BMPER: variants seen among roughly 807,000 people sequenced by gnomAD.
The protein encoded by BMPER is BMP binding endothelial regulator, also known as BMP-binding endothelial regulator protein.
Under a neutral mutation model 87.3 loss-of-function variants are expected in BMPER, and 45 were observed. The ratio of observed to expected loss-of-function variants is 0.52; its 90% confidence interval spans 0.41 to 0.66. The LOEUF (loss-of-function observed/expected upper bound fraction) is 0.66, where lower values mean the gene tolerates loss of function less well. BMPER is among the 30% of genes least tolerant of loss of function. The pLI, the probability that BMPER is intolerant of heterozygous loss-of-function variation, is 0.00. For missense variants in BMPER, 784 were observed against 867.5 expected (o/e 0.90, Z 1.21); for synonymous variants, 326 against 316.2 (o/e 1.03, Z -0.33).
chr7:34,006,849 T>A (rs1322879985), intron 6 of BMPER, among the ~76,000 whole-genome samples: 1 of 152,090 alleles, frequency 6.6e-6, no homozygotes, highest in African/African-American at 2.4e-5. Context: ...GCAATCAATC[T>A]GTGTTTTGAT....
chr7:34,002,726 T>C lies in BMPER; in HGVS notation c.576+27942T>C, dbSNP rs80216352. ...AGTGCATATATGTTTATAATTGTTA[T>C]GTCTTCCTGATGGCCTCTTATTATT... On this transcript the variant is annotated intron_variant, in intron 6 of 14. Coordinates refer to ENST00000649409, the MANE Select transcript of BMPER (RefSeq NM_001365308.1). 5.9e-3 allele frequency among the ~76,000 whole-genome samples: 899 copies of C among 151,978 alleles called. 6 individuals are homozygous for C. Among genetic ancestry groups the C allele is most frequent in the African/African-American group, 0.018 (742 of 41,552 alleles).
chr7:33,973,742 C>T (rs989707390), intron 5 of BMPER, among the ~76,000 whole-genome samples: 6 of 152,176 alleles, frequency 3.9e-5, no homozygotes, highest in East Asian at 1.9e-4. Flanking sequence ...CTCCCAGCAC[C>T]GTCTTCCATG....
chr7:34,144,628 C>T (rs187505402), intron 14 of BMPER, among the ~76,000 whole-genome samples: 4 of 151,992 alleles, frequency 2.6e-5, no homozygotes, highest in African/African-American at 9.7e-5. Context: ...TACCTGCTAT[C>T]TAGTTACAAA....
At chr7:34,082,647 C>T (rs1446622223) in intron 12 of BMPER, among the ~76,000 whole-genome samples, 1 of 152,120 alleles carries the variant, frequency 6.6e-6, no homozygotes, top group African/African-American at 2.4e-5. Context: ...CACGGCAGAT[C>T]TGCATCTTTC....
chr7:34,065,232 CT>C, intron 11 of BMPER, among the ~76,000 whole-genome samples: 1 of 150,596 alleles, frequency 6.6e-6, no homozygotes, highest in African/African-American at 2.5e-5. Context: ...CTCTCTCTCT[CT>C]CTCTCTCTCT....
intron 2 of BMPER, among the ~76,000 whole-genome samples, chr7:33,913,043 A>C (rs1345910058): frequency 1.3e-5 from 2 of 152,206 alleles, no homozygotes; most frequent in East Asian, 1.9e-4. Flanking sequence ...GGGGAGACGA[A>C]CACATATATA....
At chr7:33,964,200 C>CT (rs375050660) in intron 3 of BMPER, among the ~76,000 whole-genome samples, 3 of 152,218 alleles carry the variant, frequency 2.0e-5, no homozygotes, top group South Asian at 2.1e-4. Context: ...CTTTAATTAT[C>CT]TTTTTTTCTG....
At chr7:34,125,570 T>C (rs1452343169) in intron 13 of BMPER, among the ~76,000 whole-genome samples, 2 of 152,256 alleles carry the variant, frequency 1.3e-5, no homozygotes, top group African/African-American at 4.8e-5. Context: ...GAAATGCTAG[T>C]TGAATGCATG....
intron 11 of BMPER, among the ~76,000 whole-genome samples, chr7:34,078,493 T>C (rs941344310): frequency 1.3e-5 from 2 of 152,218 alleles, no homozygotes; most frequent in African/African-American, 4.8e-5. Flanking sequence ...CCCATTTGTT[T>C]ATTTATATAC....
intron 6 of BMPER, among the ~76,000 whole-genome samples, chr7:33,993,651 G>A (rs947101193): frequency 3.9e-4 from 60 of 152,044 alleles, no homozygotes; most frequent in South Asian, 1.3e-3. Flanking sequence ...GCTTTGTTCC[G>A]TTGCTGGTGA....
chr7:34,132,074 C>T (rs1215044704), intron 13 of BMPER, among the ~76,000 whole-genome samples: 1 of 152,084 alleles, frequency 6.6e-6, no homozygotes, highest in Non-Finnish European at 1.5e-5. Context: ...AATAATGTGC[C>T]CAAGATAACA....
intron 13 of BMPER, among the ~76,000 whole-genome samples, chr7:34,123,260 A>G (rs1790307293): frequency 6.6e-6 from 1 of 152,206 alleles, no homozygotes; most frequent in African/African-American, 2.4e-5. Flanking sequence ...ACAGGAGTTT[A>G]CTGGCTATAA....
At chr7:34,067,672 C>T (rs1043155844) in intron 11 of BMPER, among the ~76,000 whole-genome samples, 2 of 152,164 alleles carry the variant, frequency 1.3e-5, no homozygotes, top group South Asian at 4.1e-4. Context: ...GAAGTTTCTG[C>T]TCCAGCATCT....
intron 3 of BMPER, among the ~76,000 whole-genome samples, chr7:33,964,844 C>T (rs1221365696): frequency 6.6e-6 from 1 of 152,096 alleles, no homozygotes; most frequent in South Asian, 2.1e-4. Context: ...ATAACATATT[C>T]GGAAACTCCA....
chr7:33,917,012 A>G (rs1178153622), intron 2 of BMPER, among the ~76,000 whole-genome samples: 2 of 152,234 alleles, frequency 1.3e-5, no homozygotes, highest in Non-Finnish European at 2.9e-5. Flanking sequence ...ACATTTGAAA[A>G]TATAAGATCA....
intron 6 of BMPER, among the ~76,000 whole-genome samples, chr7:34,039,603 TACACACACACACACACACACACAC>T (rs56214614): frequency 1.7e-4 from 24 of 142,688 alleles, no homozygotes; most frequent in African/African-American, 6.2e-4. Flanking sequence ...GACACACAAA[TACACACACACACACACACACACAC>T]ACACACACAC....
At chr7:34,045,339 G>C (rs539346769) in intron 6 of BMPER, among the ~76,000 whole-genome samples, 1 of 152,186 alleles carries the variant, frequency 6.6e-6, no homozygotes, top group African/African-American at 2.4e-5. Context: ...TTCTACCCCA[G>C]CTTTCTGAAT....
intron 5 of BMPER, among the ~76,000 whole-genome samples, chr7:33,974,242 T>C (rs1246496584): frequency 6.6e-6 from 1 of 152,144 alleles, no homozygotes; most frequent in East Asian, 1.9e-4. Context: ...TGGAGTGAGA[T>C]TGGGGTACCT....
intron 5 of BMPER, among the ~76,000 whole-genome samples, chr7:33,971,750 A>G (rs1312465971): frequency 4.6e-5 from 7 of 152,212 alleles, no homozygotes; most frequent in Admixed American, 3.3e-4. Flanking sequence ...TCTCTGAGGA[A>G]CACTCGGGTC....
Sources: allele counts gnomAD v4.1 joint callset (sites outside exome capture counted in the v4.1 genomes callset), GRCh38; gene constraint gnomAD v4.1.1; transcripts MANE v1.5; gene names NCBI Gene and HGNC (gene_info 2026-07-23, HGNC 2026-07-21).